Variants in MUS81 observed in about 807,000 individuals in gnomAD.
MUS81 encodes MUS81 structure-specific endonuclease subunit.
Under a neutral mutation model 74.2 loss-of-function variants are expected in MUS81, and 69 were observed. The observed-to-expected ratio is 0.93, with a 90% CI of 0.77 to 1.14. MUS81 has a LOEUF of 1.14. MUS81 is among the 50% of genes most tolerant of loss of function. The pLI is 0.00. For missense variants in MUS81, 711 were observed against 726.5 expected (o/e 0.98, Z 0.25); for synonymous variants, 303 against 300.6 (o/e 1.01, Z -0.08).
At position 65,861,246 on chromosome 11, in the gene MUS81, G is replaced by T. The variant is rs115853520; in HGVS notation, c.266-104G>T. 5,368 of 1,537,204 alleles carry T rather than the reference G, an allele frequency of 3.5e-3. 155 individuals are homozygous for T. In the African/African-American group the frequency reaches 0.065, roughly 19 times the overall value. ...AGGGCTAGTGGCTGGCGCTCCCTGAGCCTCCCTCACCGGTCTCACGTAACC... is the reference window on the plus strand; with the variant it reads ...AGGGCTAGTGGCTGGCGCTCCCTGATCCTCCCTCACCGGTCTCACGTAACC... On this transcript the variant is annotated intron_variant, in intron 2 of 15. Transcript: ENST00000308110.
chr11:65,866,061 C>T lies in MUS81; in HGVS notation c.*9C>T, dbSNP rs774482425. 62 of 1,613,112 alleles carry T rather than the reference C, an allele frequency of 3.8e-5. No individual in the cohort carries two copies. The highest frequency in any genetic ancestry group is 4.8e-5 in the Non-Finnish European group (57 of 1,179,522). ...ACGGCCCCTTGACCTGAGCTTATGC[C>T]GTGAAACAGCCCCCAGCCCCCGTCT... On this transcript the variant is annotated 3_prime_UTR_variant, in exon 16 of 16. Coordinates refer to ENST00000308110, the MANE Select transcript of MUS81 (RefSeq NM_025128.5).
chr11:65,861,131 C>T (rs1025831789), intron 2 of MUS81, 29 bp downstream of exon 2: 18 of 1,610,846 alleles, frequency 1.1e-5, no homozygotes, highest in African/African-American at 4.0e-5. Context: ...GGTCGGTGAT[C>T]CCCCACCTCC....
At chr11:65,861,210 C>T in intron 2 of MUS81, 108 bp downstream of exon 2, 1 of 1,573,150 alleles carries the variant, frequency 6.4e-7, no homozygotes, top group South Asian at 1.1e-5. Flanking sequence ...GTCCCAGTTG[C>T]CGTTCGGCCT....
intron 3 of MUS81, 173 bp downstream of exon 3, chr11:65,861,608 T>C: frequency 1.6e-6 from 1 of 616,974 alleles, no homozygotes; most frequent in Non-Finnish European, 2.8e-6. Context: ...GAAATATTGG[T>C]AACAGCCAAT....
chr11:65,866,971 G>C, downstream of MUS81: 1 of 1,614,198 alleles, frequency 6.2e-7, no homozygotes, highest in Non-Finnish European at 8.5e-7. Flanking sequence ...GAGCTGGCCC[G>C]GTAGCTCATG....
chr11:65,863,599 G>T lies in MUS81; in HGVS notation c.840-1G>T. 2.5e-6 allele frequency: 4 copies of T among 1,614,016 alleles called. No homozygotes were observed. The South Asian group carries it at 4.4e-5, about 18-fold the overall frequency. ...CTAGGCTTCCCTCCTTGCCACTCCA[G>T]GGGCGGGCACAGGCCGGAGCTGCTC... is the stretch of plus-strand genomic sequence containing the variant. On this transcript the variant is annotated splice_acceptor_variant, in intron 8 of 15. Transcript: ENST00000308110. LOFTEE classifies it high-confidence loss of function.
Position 65,865,069 on chromosome 11 carries a change from G to A in MUS81, c.1325G>A (p.Gly442Glu), listed in dbSNP as rs760208146. The A allele has an allele frequency of 6.2e-7, 1 of 1,614,072 alleles. No homozygotes were observed. The highest frequency in any genetic ancestry group is 1.7e-5 in the Admixed American group (1 of 60,012). ...GGAACCCCTGGGAACCCTGAATCAG[G>A]GGCCATGACCTCTCCAAACCCTCTC... ...PWGTPGNPES[G>E]AMTSPNPLCS... The change falls in exon 13 of 16, where the codon GGG becomes GAG. Residue 442 changes from glycine (G) to glutamate (E), a missense_variant. Transcript: ENST00000308110.
In MUS81 at chr11:65,863,023, G is replaced by C. The variant is rs778929229; in HGVS notation, c.606-42G>C. ...GCAGGCAGGAAAGCCTGCCAGGAAT[G>C]AGTGAAGAAGGTAGAGCTGTGTTGT... On this transcript the variant is annotated intron_variant, in intron 6 of 15. Coordinates refer to ENST00000308110, the MANE Select transcript of MUS81 (RefSeq NM_025128.5). The C allele has an allele frequency of 1.9e-6, 3 of 1,612,836 alleles. No individual in the cohort carries two copies. In the South Asian group the frequency reaches 3.3e-5, roughly 18 times the overall value.
chr11:65,860,341 G>A (rs1182181590), upstream of MUS81: 2 of 467,278 alleles, frequency 4.3e-6, no homozygotes, highest in Non-Finnish European at 8.6e-6. Flanking sequence ...AGGTTAGTCC[G>A]TTAAGCGCCG....
Position 65,862,489 on chromosome 11 carries a change from C to T in MUS81, c.565C>T (p.Leu189Phe), listed in dbSNP as rs2298447. 4.2e-4 allele frequency: 679 copies of T among 1,613,828 alleles called. 10 individuals carry two copies. In the East Asian group the frequency reaches 0.015, roughly 36 times the overall value. Residue 189 changes from leucine to phenylalanine, a missense_variant, in exon 6 of 16, where the codon CTT (leucine) becomes TTT (phenylalanine). Leu to Phe is a conservative substitution (Grantham distance 22, BLOSUM62 0). Coordinates refer to ENST00000308110, the MANE Select transcript of MUS81 (RefSeq NM_025128.5). ...ARPWPALRSL[L>F]HRNLVLRTHQ... ...ACCCTGGCCAGCCCTCCGCTCCCTC[C>T]TTCACAGGAACCTGGTCCTCAGGAC...
rs1591059102 is a variant in MUS81, at chr11:65,863,858, A to C, written c.1016A>C (p.Asp339Ala). Reference sequence around the variant, plus strand: ...ATTGTGGAGCGCAAGCGACTGGATGACCTTTGCAGCAGCATCATCGACGGC... The same window carrying C: ...ATTGTGGAGCGCAAGCGACTGGATGCCCTTTGCAGCAGCATCATCGACGGC... ...DHIVERKRLDDLCSSIIDGRF... is the reference protein window; with the variant it reads ...DHIVERKRLDALCSSIIDGRF... The change falls in exon 10 of 16, where the codon GAC (aspartate) becomes GCC (alanine). Residue 339 changes from aspartate to alanine, a missense_variant. By Grantham distance (126) the Asp-to-Ala change is moderately radical. Transcript: ENST00000308110. 13 of 1,614,140 alleles carry C rather than the reference A, an allele frequency of 8.1e-6. No individual in the cohort carries two copies. The highest frequency in any genetic ancestry group is 1.1e-5 in the Non-Finnish European group (13 of 1,180,012).
chr11:65,865,126 C>T lies in MUS81; in HGVS notation c.1382C>T (p.Ala461Val). Reference protein sequence around the residue: ...CSLLTFSDFNAGAIKNKAQSV... With the variant: ...CSLLTFSDFNVGAIKNKAQSV... ...CTCCTCACCTTCAGTGACTTCAACG[C>T]AGGAGCCATCAAGAATAAGGTACTG... Residue 461 changes from alanine to valine, a missense_variant, in exon 13 of 16, where the codon GCA becomes GTA. By Grantham distance (64) the Ala-to-Val change is moderately conservative (BLOSUM62 0). Transcript: ENST00000308110. 25 of 1,614,234 alleles carry T rather than the reference C, an allele frequency of 1.5e-5. No homozygotes were observed. Among genetic ancestry groups the T allele is most frequent in the Non-Finnish European group, 2.1e-5 (25 of 1,180,040 alleles).
Position 65,862,998 on chromosome 11 carries a change from G to T in MUS81, c.606-67G>T. The T allele has an allele frequency of 1.9e-6, 3 of 1,606,236 alleles. No individual in the cohort carries two copies. The South Asian group carries it at 3.3e-5, about 18-fold the overall frequency. ...GGTGGTGAGGCCAGCCCAGCTGGGG[G>T]CAGGCAGGAAAGCCTGCCAGGAATG... On this transcript the variant is annotated intron_variant, in intron 6 of 15. Transcript: ENST00000308110.
chr11:65,860,430 G>A (rs1017465119), upstream of MUS81: 1 of 518,590 alleles, frequency 1.9e-6, no homozygotes, highest in East Asian at 4.0e-5. Context: ...TCGAATCTGG[G>A]GTGACAGGAA....
intron 3 of MUS81, 60 bp from the exon 4 acceptor site, chr11:65,861,887 G>C: frequency 1.6e-5 from 22 of 1,371,728 alleles, no homozygotes; most frequent in Non-Finnish European, 2.2e-5. Context: ...AAGCCTGCTG[G>C]GGACTTATTC....
intron 2 of MUS81, 75 bp downstream of exon 2, chr11:65,861,177 T>C: frequency 6.2e-7 from 1 of 1,602,350 alleles, no homozygotes; most frequent in East Asian, 2.2e-5. Flanking sequence ...TGGGAGCCCT[T>C]GGCTTTTAAG....
downstream of MUS81, chr11:65,867,353 G>A (rs781372189): frequency 1.5e-5 from 8 of 544,594 alleles, no homozygotes; most frequent in Non-Finnish European, 2.6e-5. Context: ...GCCACATGTG[G>A]CTCTTGGGAC....
chr11:65,866,904 C>T (rs747521684), downstream of MUS81: 5 of 1,614,052 alleles, frequency 3.1e-6, no homozygotes, highest in South Asian at 5.5e-5. Context: ...GGGAGGGTGG[C>T]TCCCTCCTGC....
At position 65,863,057 on chromosome 11, in the gene MUS81, C is replaced by T. The variant is rs768634338; in HGVS notation, c.606-8C>T. The stretch of plus-strand genomic sequence containing the variant: ...AGGTAGAGCTGTGTTGTCCCCTCTG[C>T]CTCCCAGGTACTCATTGACCCCAGA... On this transcript the variant is annotated splice_region_variant and splice_polypyrimidine_tract_variant and intron_variant, in intron 6 of 15. Transcript: ENST00000308110. 6.2e-7 allele frequency: 1 copy of T among 1,613,996 alleles called. No homozygotes were observed. Among genetic ancestry groups the T allele is most frequent in the Non-Finnish European group, 8.5e-7 (1 of 1,180,002 alleles).
Sources: allele counts gnomAD v4.1 joint callset, GRCh38; gene constraint gnomAD v4.1.1; transcripts MANE v1.5; gene names NCBI Gene and HGNC (gene_info 2026-07-23, HGNC 2026-07-21).